BTAF1: variants seen among roughly 807,000 people sequenced by gnomAD.
BTAF1 encodes the protein B-TFIID TATA-box binding protein associated factor 1.
A neutral mutation model predicts 227.1 loss-of-function variants in BTAF1; 38 were observed. That is an observed-to-expected ratio of 0.17 (90% CI 0.13 to 0.22). BTAF1 has a LOEUF of 0.22. Ranked by LOEUF, BTAF1 falls within the 10% of genes least tolerant of loss-of-function variation. The pLI is 1.00. For synonymous variants in BTAF1, 742 were observed against 751.9 expected, an observed-to-expected ratio of 0.99 and a Z score of 0.21; for missense variants, 1,598 against 2,204.0, an observed-to-expected ratio of 0.73 and a Z score of 5.51.
In BTAF1 at chr10:91,935,864, C is replaced by A. The variant is rs889006302; in HGVS notation, c.138+84C>A. On this transcript the variant is annotated intron_variant, in intron 2 of 37. Coordinates refer to ENST00000265990, the MANE Select transcript of BTAF1 (RefSeq NM_003972.3). ...GGAACACAAAAATAAAGGTAAACAT[C>A]ATCTTAATTTTTAAACATTTTTGCT... is the stretch of plus-strand genomic sequence containing the variant. The A allele has an allele frequency of 2.1e-5, 25 of 1,184,166 alleles. No individual in the cohort carries two copies. In the African/African-American group the frequency reaches 3.6e-4, roughly 17 times the overall value. 73.4% of individuals were successfully genotyped at this position (1,184,166 alleles called of 1,614,324 possible). A position where few individuals can be genotyped will look rare whatever the true frequency, so the allele number is the denominator to read the frequency against.
chr10:91,934,530 G>C (rs967651142), intron 1 of BTAF1, among the ~76,000 whole-genome samples: 1 of 152,048 alleles, frequency 6.6e-6, no homozygotes, highest in African/African-American at 2.4e-5. Context: ...ACCACGCCCA[G>C]CTGAGTTTCC....
At chr10:91,929,196 C>T (rs1446000604) in intron 1 of BTAF1, among the ~76,000 whole-genome samples, 1 of 152,140 alleles carries the variant, frequency 6.6e-6, no homozygotes, top group Admixed American at 6.5e-5. Flanking sequence ...GTTTTTGCTA[C>T]CTTTGCCTGT....
chr10:92,005,198 T>G (rs1012958488), intron 25 of BTAF1, among the ~76,000 whole-genome samples: 5 of 152,166 alleles, frequency 3.3e-5, no homozygotes, highest in African/African-American at 4.8e-5. Flanking sequence ...TTGCTCAAGA[T>G]TGCTTTGGCT....
At chr10:91,993,030 C>T (rs1160620098) in intron 21 of BTAF1, among the ~76,000 whole-genome samples, 3 of 151,902 alleles carry the variant, frequency 2.0e-5, no homozygotes, top group South Asian at 4.2e-4. Flanking sequence ...AAATATAAAC[C>T]CCTTTTAAGT....
intron 34 of BTAF1, 24 bp from the exon 35 acceptor site, chr10:92,024,732 G>GTTTCTTTGTTT: frequency 7.9e-7 from 1 of 1,267,284 alleles, no homozygotes; most frequent in South Asian, 1.3e-5. Flanking sequence ...CGCTTATGTA[G>GTTTCTTTGTTT]TTTTTTTTTT....
chr10:91,984,543 G>A (rs902835193), intron 19 of BTAF1, 139 bp downstream of exon 19: 1 of 717,442 alleles, frequency 1.4e-6, no homozygotes, highest in African/African-American at 1.8e-5. Context: ...CTCTACCCTT[G>A]AGAAAGGTTA....
At chr10:92,019,600 C>T (rs2134157884) in intron 34 of BTAF1, among the ~76,000 whole-genome samples, 1 of 152,284 alleles carries the variant, frequency 6.6e-6, no homozygotes, top group African/African-American at 2.4e-5. Flanking sequence ...TTCACGATGA[C>T]TACACCATTT....
chr10:91,962,851 T>C (rs1325137869), intron 12 of BTAF1, among the ~76,000 whole-genome samples, 173 bp downstream of exon 12: 1 of 152,070 alleles, frequency 6.6e-6, no homozygotes, highest in African/African-American at 2.4e-5. Flanking sequence ...GAAGAGTGAA[T>C]TGGATCCATT....
intron 4 of BTAF1, among the ~76,000 whole-genome samples, chr10:91,945,214 A>G (rs529429979): frequency 1.4e-4 from 21 of 152,146 alleles, no homozygotes; most frequent in Non-Finnish European, 2.2e-4. Flanking sequence ...AGGTTCATCT[A>G]TATGACAGCG....
intron 19 of BTAF1, among the ~76,000 whole-genome samples, chr10:91,985,716 A>G (rs1021373542): frequency 1.3e-5 from 2 of 152,154 alleles, no homozygotes; most frequent in Non-Finnish European, 1.5e-5. Context: ...CTTGATGACT[A>G]ATATGTTGAA....
intron 9 of BTAF1, 143 bp downstream of exon 9, chr10:91,959,297 A>G (rs1846318708): frequency 3.5e-6 from 5 of 1,441,558 alleles, no homozygotes; most frequent in Non-Finnish European, 4.6e-6. Context: ...ATATCATACA[A>G]TGGATTGAAA....
intron 14 of BTAF1, among the ~76,000 whole-genome samples, chr10:91,977,338 T>C (rs902924476): frequency 6.6e-6 from 1 of 152,184 alleles, no homozygotes; most frequent in African/African-American, 2.4e-5. Flanking sequence ...TGGAATCATA[T>C]AGTATGGAGC....
At chr10:92,006,288 A>G (rs1299277948) in intron 25 of BTAF1, among the ~76,000 whole-genome samples, 2 of 152,222 alleles carry the variant, frequency 1.3e-5, no homozygotes, top group East Asian at 3.8e-4. Flanking sequence ...TTCTCAAATA[A>G]TTGTGGATAT....
chr10:91,975,171 C>A (rs1160488479), intron 14 of BTAF1, among the ~76,000 whole-genome samples: 3 of 152,186 alleles, frequency 2.0e-5, no homozygotes, highest in Non-Finnish European at 4.4e-5. Flanking sequence ...TCCATTGCAT[C>A]TCAGTCACTT....
chr10:91,953,994 C>T (rs1374494248), intron 6 of BTAF1, 121 bp downstream of exon 6: 2 of 1,360,172 alleles, frequency 1.5e-6, no homozygotes, highest in Non-Finnish European at 2.0e-6. Flanking sequence ...TGTTTGGATT[C>T]TCTTACTCAA....
chr10:92,002,455 C>T (rs957202411), intron 25 of BTAF1, among the ~76,000 whole-genome samples: 1 of 152,140 alleles, frequency 6.6e-6, no homozygotes, highest in Non-Finnish European at 1.5e-5. Context: ...ATATTCGTAA[C>T]ACTTGGGTTT....
intron 1 of BTAF1, among the ~76,000 whole-genome samples, chr10:91,924,387 T>C (rs570386555): frequency 7.2e-5 from 11 of 152,324 alleles, no homozygotes; most frequent in Middle Eastern, 3.4e-3. Flanking sequence ...CTTTCGATTC[T>C]AGGGGAGTCT....
intron 28 of BTAF1, among the ~76,000 whole-genome samples, chr10:92,010,243 C>T (rs1467351047): frequency 3.9e-5 from 6 of 152,134 alleles, no homozygotes; most frequent in Non-Finnish European, 8.8e-5. Context: ...CAGAGTGAGG[C>T]TTTGAATACA....
chr10:92,026,483 T>G, intron 35 of BTAF1, 109 bp from the exon 36 acceptor site: 1 of 835,570 alleles, frequency 1.2e-6, no homozygotes, highest in Non-Finnish European at 1.8e-6. Flanking sequence ...AGTATCCCTA[T>G]TGTGGATTTT....
Sources: allele counts gnomAD v4.1 joint callset (sites outside exome capture counted in the v4.1 genomes callset), GRCh38; gene constraint gnomAD v4.1.1; transcripts MANE v1.5; gene names NCBI Gene and HGNC (gene_info 2026-07-23, HGNC 2026-07-21).